SLC25A26: variants seen among roughly 807,000 people sequenced by gnomAD.
SLC25A26 encodes the protein solute carrier family 25 member 26.
SLC25A26 carries 36 observed loss-of-function variants against 37.8 expected under a neutral mutation model. The ratio of observed to expected loss-of-function variants is 0.95; its 90% CI spans 0.73 to 1.26. The LOEUF (loss-of-function observed/expected upper bound fraction) is 1.26. Ranked by LOEUF, SLC25A26 falls within the 50% of genes most tolerant of loss-of-function variation. SLC25A26 has a pLI of 0.00. For synonymous variants in SLC25A26, 129 were observed against 122.5 expected, an observed-to-expected ratio of 1.05 and a Z score of -0.35; for missense variants, 390 against 331.1, an observed-to-expected ratio of 1.18 and a Z score of -1.38.
chr3:66,345,692 C>G (rs961107592), intron 5 of SLC25A26, among the ~76,000 whole-genome samples: 3 of 152,120 alleles, frequency 2.0e-5, no homozygotes, highest in African/African-American at 7.2e-5. Context: ...CCTTCCTTCT[C>G]TCTCCTCTGT....
At chr3:66,229,523 C>T (rs2071910623) in intron 1 of SLC25A26, among the ~76,000 whole-genome samples, 1 of 152,160 alleles carries the variant, frequency 6.6e-6, no homozygotes, top group Non-Finnish European at 1.5e-5. Context: ...CTCGCATTTC[C>T]CCTCTTGCAC....
intron 1 of SLC25A26, among the ~76,000 whole-genome samples, chr3:66,163,818 T>C (rs886153142): frequency 6.6e-6 from 1 of 152,232 alleles, no homozygotes; most frequent in African/African-American, 2.4e-5. Context: ...ATTAATATCC[T>C]AATAATCATT....
intron 5 of SLC25A26, among the ~76,000 whole-genome samples, chr3:66,272,202 T>G (rs747386770): frequency 2.6e-5 from 4 of 152,102 alleles, no homozygotes; most frequent in Non-Finnish European, 5.9e-5. Flanking sequence ...GATCCCTACT[T>G]GACAGAAACT....
intron 1 of SLC25A26, among the ~76,000 whole-genome samples, chr3:66,141,441 A>G (rs1473110342): frequency 6.6e-6 from 1 of 152,010 alleles, no homozygotes; most frequent in Non-Finnish European, 1.5e-5. Flanking sequence ...AAACTAATAG[A>G]AATAGGATTG....
chr3:66,344,291 C>T (rs1214775120), intron 5 of SLC25A26, among the ~76,000 whole-genome samples: 4 of 152,032 alleles, frequency 2.6e-5, no homozygotes, highest in African/African-American at 4.8e-5. Context: ...GGTGAAACCC[C>T]GTCTCTACTA....
intron 1 of SLC25A26, among the ~76,000 whole-genome samples, chr3:66,177,052 AGT>A (rs1271956078): frequency 6.6e-6 from 1 of 152,204 alleles, no homozygotes; most frequent in African/African-American, 2.4e-5. Flanking sequence ...CTTAGGCAAA[AGT>A]GAGATTATGG....
chr3:66,284,019 A>G (rs763857925), intron 5 of SLC25A26, among the ~76,000 whole-genome samples: 2 of 152,228 alleles, frequency 1.3e-5, no homozygotes, highest in African/African-American at 2.4e-5. Flanking sequence ...TTATGCTAAA[A>G]TATTTTAAAG....
chr3:66,226,049 C>G (rs932810934), intron 1 of SLC25A26, among the ~76,000 whole-genome samples: 1 of 152,178 alleles, frequency 6.6e-6, no homozygotes, highest in Non-Finnish European at 1.5e-5. Flanking sequence ...GAAGTCGCTT[C>G]CACATTTTCA....
intron 9 of SLC25A26, among the ~76,000 whole-genome samples, chr3:66,375,609 C>G (rs1487404608): frequency 1.3e-5 from 2 of 152,186 alleles, no homozygotes; most frequent in South Asian, 2.1e-4. Context: ...AGAAATGGAA[C>G]AACAAAGCCT....
intron 1 of SLC25A26, among the ~76,000 whole-genome samples, chr3:66,181,210 T>C (rs1485428646): frequency 6.6e-6 from 1 of 152,234 alleles, no homozygotes; most frequent in Non-Finnish European, 1.5e-5. Context: ...CTTGTGTATG[T>C]GACAAGGCAT....
At chr3:66,357,680 A>G (rs952532940) in intron 6 of SLC25A26, among the ~76,000 whole-genome samples, 1 of 152,098 alleles carries the variant, frequency 6.6e-6, no homozygotes, top group Non-Finnish European at 1.5e-5. Context: ...AGGTTGAGAA[A>G]TTATGGAAAT....
intron 5 of SLC25A26, among the ~76,000 whole-genome samples, chr3:66,340,399 G>T (rs1053604776): frequency 5.9e-5 from 9 of 152,072 alleles, no homozygotes; most frequent in African/African-American, 2.2e-4. Context: ...TCGATGAGCA[G>T]AAGTTTTAAA....
At chr3:66,350,040 A>G (rs1245814430) in intron 6 of SLC25A26, among the ~76,000 whole-genome samples, 1 of 152,204 alleles carries the variant, frequency 6.6e-6, no homozygotes, top group Non-Finnish European at 1.5e-5. Flanking sequence ...AGAAGTAGAC[A>G]GTTTTTGGAA....
intron 1 of SLC25A26, among the ~76,000 whole-genome samples, chr3:66,183,336 CT>C (rs1421465018): frequency 2.6e-5 from 4 of 152,120 alleles, no homozygotes; most frequent in Non-Finnish European, 5.9e-5. Context: ...GACTCTGACC[CT>C]GACATGGACT....
At chr3:66,277,800 TATA>T (rs2073873730) in intron 5 of SLC25A26, among the ~76,000 whole-genome samples, 1 of 152,120 alleles carries the variant, frequency 6.6e-6, no homozygotes, top group South Asian at 2.1e-4. Context: ...ACATCTCTAA[TATA>T]ATGCACCAAG....
chr3:66,238,744 A>G (rs2072422224), intron 2 of SLC25A26, among the ~76,000 whole-genome samples: 1 of 152,150 alleles, frequency 6.6e-6, no homozygotes, highest in Non-Finnish European at 1.5e-5. Flanking sequence ...GAGAAAACGT[A>G]TATTCAGTAA....
At chr3:66,212,863 GTACATT>G (rs2071304734) in intron 1 of SLC25A26, among the ~76,000 whole-genome samples, 1 of 152,138 alleles carries the variant, frequency 6.6e-6, no homozygotes, top group Non-Finnish European at 1.5e-5. Context: ...ATGTATAAAT[GTACATT>G]CCATATTTTG....
intron 1 of SLC25A26, among the ~76,000 whole-genome samples, chr3:66,187,021 G>C (rs1055824854): frequency 6.6e-6 from 1 of 151,796 alleles, no homozygotes; most frequent in South Asian, 2.1e-4. Flanking sequence ...CACTCAAGCT[G>C]ACCATGATAT....
chr3:66,134,355 G>A (rs1287068330), intron 1 of SLC25A26, among the ~76,000 whole-genome samples: 2 of 152,192 alleles, frequency 1.3e-5, no homozygotes, highest in Admixed American at 6.5e-5. Flanking sequence ...CCTTTGCTGG[G>A]TTCACTAAGT....
Sources: gnomAD v4.1 joint callset for allele counts (sites outside exome capture counted in the v4.1 genomes callset) on GRCh38, gnomAD v4.1.1 for gene constraint, MANE v1.5 for transcripts, NCBI Gene and HGNC (gene_info 2026-07-23, HGNC 2026-07-21) for gene names.